Variants in CFAP45 observed in about 807,000 individuals in gnomAD.
CFAP45 encodes cilia- and flagella-associated protein 45.
CFAP45 carries 43 observed loss-of-function variants against 75.6 expected under a neutral mutation model. That is an observed-to-expected ratio of 0.57 (90% confidence interval 0.45 to 0.73). The LOEUF (loss-of-function observed/expected upper bound fraction) is 0.73, where lower values mean the gene tolerates loss of function less well. CFAP45 is among the 30% of genes least tolerant of loss of function. The probability of loss-of-function intolerance (pLI) is 0.00; values close to 1 mark genes in which losing one functional copy is unlikely to be tolerated. For missense variants in CFAP45, 689 were observed against 701.5 expected, an observed-to-expected ratio of 0.98 and a Z score of 0.20; for synonymous variants, 223 against 244.6, an observed-to-expected ratio of 0.91 and a Z score of 0.82.
At position 159,888,500 on chromosome 1, in the gene CFAP45, T is replaced by A. The variant is rs3795334; in HGVS notation, c.273-4A>T. Reference sequence around the variant, plus strand: ...GGAGGGATCCTCTGTGGGAACACTGTCACAAGAATAAACAGAGTTAGGGAG... The same window carrying A: ...GGAGGGATCCTCTGTGGGAACACTGACACAAGAATAAACAGAGTTAGGGAG... On this transcript the variant is annotated splice_region_variant and splice_polypyrimidine_tract_variant and intron_variant, in intron 3 of 11. Transcript: ENST00000368099. The A allele has an allele frequency of 0.085, 136,987 of 1,603,280 alleles. 8,222 individuals carry two copies. Among genetic ancestry groups the A allele is most frequent in the African/African-American group, 0.3 (22,712 of 74,764 alleles).
intron 10 of CFAP45, among the ~76,000 whole-genome samples, chr1:159,875,090 G>A (rs1649365703): frequency 1.3e-5 from 2 of 152,356 alleles, no homozygotes; most frequent in Admixed American, 6.5e-5. Context: ...ACAACAATAG[G>A]TGAAGTTGAA....
intron 10 of CFAP45, chr1:159,873,466 TTAA>T (rs1405949394): frequency 3.3e-5 from 14 of 430,548 alleles, no homozygotes; most frequent in African/African-American, 1.6e-4. Context: ...TTTGAAATTC[TTAA>T]TAATTTTTGA....
chr1:159,880,745 C>T (rs375075077), intron 7 of CFAP45, 45 bp from the exon 8 acceptor site: 5 of 1,594,900 alleles, frequency 3.1e-6, no homozygotes, highest in Non-Finnish European at 4.3e-6. Context: ...AGAGGTAAGA[C>T]AAGAAGCCAC....
chr1:159,880,825 A>G, intron 7 of CFAP45, 125 bp from the exon 8 acceptor site: 3 of 818,500 alleles, frequency 3.7e-6, no homozygotes, highest in Non-Finnish European at 5.6e-6. Flanking sequence ...TAGTGTCCAC[A>G]ACTATCCTTT....
intron 7 of CFAP45, among the ~76,000 whole-genome samples, chr1:159,882,420 T>G (rs968536621): frequency 1.3e-5 from 2 of 152,250 alleles, no homozygotes; most frequent in African/African-American, 4.8e-5. Context: ...TATTTACTTT[T>G]TGGATTGTTG....
rs145722573 is a variant in CFAP45 at position 159,888,488 on chromosome 1, G to T, written c.281C>A (p.Thr94Lys). The change falls in exon 4 of 12, where the codon ACA becomes AAA. Residue 94 changes from threonine (T) to lysine (K), a missense_variant. Coordinates refer to ENST00000368099, the MANE Select transcript of CFAP45 (RefSeq NM_012337.3). The part of the protein sequence containing the change: ...RDMVRELIVP[T>K]EDPSGESLII... ...TAGGGACTCCCCGGAGGGATCCTCTGTGGGAACACTGTCACAAGAATAAAC... is the reference window on the plus strand; with the variant it reads ...TAGGGACTCCCCGGAGGGATCCTCTTTGGGAACACTGTCACAAGAATAAAC... 1,735 of 1,584,590 alleles carry T rather than the reference G, an allele frequency of 1.1e-3. 13 individuals carry two copies. The African/African-American group carries it at 0.02, about 19-fold the overall frequency.
At chr1:159,873,263 G>C in intron 10 of CFAP45, 95 bp from the exon 11 acceptor site, 1 of 977,156 alleles carries the variant, frequency 1.0e-6, no homozygotes, top group Non-Finnish European at 1.5e-6. Context: ...TCCTTCAGTA[G>C]ACATGCCTCA....
chr1:159,894,870 C>T (rs1649917287), intron 1 of CFAP45, among the ~76,000 whole-genome samples: 1 of 152,182 alleles, frequency 6.6e-6, no homozygotes, highest in Non-Finnish European at 1.5e-5. Flanking sequence ...GCAGCCAGAC[C>T]CAGCGTCTGG....
chr1:159,893,564 T>C (rs1649878754), intron 1 of CFAP45, among the ~76,000 whole-genome samples: 1 of 151,940 alleles, frequency 6.6e-6, no homozygotes, highest in Admixed American at 6.6e-5. Flanking sequence ...GTTGATCTCA[T>C]AGAAGTACAG....
At chr1:159,876,839 T>C in intron 9 of CFAP45, 90 bp from the exon 10 acceptor site, 4 of 1,217,040 alleles carry the variant, frequency 3.3e-6, no homozygotes, top group Non-Finnish European at 4.8e-6. Flanking sequence ...TTACAGACTC[T>C]GACAGTCTGC....
chr1:159,878,753 T>TAAA lies in CFAP45; in HGVS notation c.1045-1294_1045-1292dup, dbSNP rs539116292. On this transcript the variant is annotated intron_variant, in intron 8 of 11. Coordinates refer to ENST00000368099, the MANE Select transcript of CFAP45 (RefSeq NM_012337.3). ...CCTAGTGACAGAGCAAGACTACATC[T>TAAA]AAAAAAAAAAAAAAAAAAAAAAAAA... Among the ~76,000 whole-genome samples the TAAA allele has an allele frequency of 4.5e-3, 145 of 32,480 alleles. 13 individuals are homozygous for TAAA. The highest frequency in any genetic ancestry group is 0.016 in the East Asian group (5 of 304). 21.3% of individuals were successfully genotyped at this position (32,480 alleles called of 152,430 possible). A position where few individuals can be genotyped will look rare whatever the true frequency, so the allele number is the denominator to read the frequency against.
chr1:159,888,553 C>CTGACACAAGAATAAACAGAG, intron 3 of CFAP45, 57 bp from the exon 4 acceptor site: 5 of 1,521,854 alleles, frequency 3.3e-6, no homozygotes, highest in Non-Finnish European at 2.7e-6. Flanking sequence ...CAGCACCACA[C>CTGACACAAGAATAAACAGAG]TTCAGGCTTC....
intron 1 of CFAP45, among the ~76,000 whole-genome samples, chr1:159,895,257 G>A (rs552449200): frequency 2.0e-5 from 3 of 152,234 alleles, no homozygotes; most frequent in South Asian, 2.1e-4. Context: ...CACTTTGGAG[G>A]AGCCCACATG....
chr1:159,877,458 C>A lies in CFAP45; in HGVS notation c.1049G>T (p.Arg350Leu). ...VMEFTKKKMA[R>L]EAEFEAEQER... ...CTGCTCAGCCTCAAACTCTGCTTCT[C>A]GAGCCTGCCGGAAGGAAAGGCCTTG... Residue 350 changes from arginine to leucine, a missense_variant, in exon 9 of 12, where the codon CGA becomes CTA. By Grantham distance (102) the Arg-to-Leu change is moderately radical (BLOSUM62 -2). Coordinates refer to ENST00000368099, the MANE Select transcript of CFAP45 (RefSeq NM_012337.3). 1 of 1,612,774 alleles carries A rather than the reference C, an allele frequency of 6.2e-7. No homozygotes were observed. Among genetic ancestry groups the A allele is most frequent in the Non-Finnish European group, 8.5e-7 (1 of 1,178,716 alleles).
intron 2 of CFAP45, among the ~76,000 whole-genome samples, chr1:159,891,509 C>T (rs998136568): frequency 6.6e-6 from 1 of 152,114 alleles, no homozygotes; most frequent in Non-Finnish European, 1.5e-5. Context: ...AGAACACAGA[C>T]TAACTGTGTG....
At chr1:159,876,228 A>G (rs1649398580) in intron 10 of CFAP45, 2 of 333,032 alleles carry the variant, frequency 6.0e-6, no homozygotes, top group Admixed American at 4.4e-5. Flanking sequence ...TTCATCCCCA[A>G]TTTGCAGGGG....
At chr1:159,876,026 G>A (rs1311717782) in intron 10 of CFAP45, among the ~76,000 whole-genome samples, 1 of 152,236 alleles carries the variant, frequency 6.6e-6, no homozygotes. Context: ...CCTGTGGAAT[G>A]GGCAAGAGCA....
chr1:159,889,754 G>A (rs916603945), intron 3 of CFAP45, among the ~76,000 whole-genome samples: 12 of 152,188 alleles, frequency 7.9e-5, no homozygotes, highest in African/African-American at 1.4e-4. Context: ...CACAGCTCCC[G>A]GGGTGTGTGC....
chr1:159,882,034 C>T (rs1649562155), intron 7 of CFAP45, among the ~76,000 whole-genome samples: 1 of 152,244 alleles, frequency 6.6e-6, no homozygotes, highest in Admixed American at 6.5e-5. Context: ...TCCTGTAGTG[C>T]TGGCTCTCTG....
Sources: gnomAD v4.1 joint callset for allele counts (sites outside exome capture counted in the v4.1 genomes callset) on GRCh38, gnomAD v4.1.1 for gene constraint, MANE v1.5 for transcripts, NCBI Gene and HGNC (gene_info 2026-07-23, HGNC 2026-07-21) for gene names.